GPR157: variants seen among roughly 807,000 people sequenced by gnomAD.
GPR157 encodes G-protein coupled receptor 157.
Under a neutral mutation model 23.5 loss-of-function variants are expected in GPR157, and 16 were observed. The ratio of observed to expected loss-of-function variants is 0.68; its 90% CI spans 0.46 to 1.04. GPR157 has a LOEUF of 1.04. Among genes scored for constraint, GPR157 ranks in the 50% least tolerant of loss-of-function variants. The pLI is 0.00. For synonymous variants in GPR157, 200 were observed against 221.5 expected, an observed-to-expected ratio of 0.90 and a Z score of 0.86; for missense variants, 440 against 460.7, an observed-to-expected ratio of 0.96 and a Z score of 0.41.
rs1399804240 is a variant in GPR157 at position 9,101,210 on chromosome 1, A to G, written c.*3209T>C. 1 of 123,126 alleles carries G rather than the reference A, an allele frequency of 8.1e-6. No individual in the cohort carries two copies. The highest frequency in any genetic ancestry group is 1.6e-5 in the Non-Finnish European group (1 of 60,912). The allele number at this position is 123,126 out of a possible 1,614,324, so 7.6% of individuals were successfully genotyped here. On this transcript the variant is annotated 3_prime_UTR_variant, in exon 4 of 4. Transcript: ENST00000377411. ...CTACAGGCACACGAAACCACATCCAACTATTTTTTTTTTTTTTGTATATTT... is the reference window on the plus strand; with the variant it reads ...CTACAGGCACACGAAACCACATCCAGCTATTTTTTTTTTTTTTGTATATTT...
In GPR157 at chr1:9,116,247, TTA is replaced by T. The variant is rs869145702; in HGVS notation, c.384-4760_384-4759del. On this transcript the variant is annotated intron_variant, in intron 1 of 3. Coordinates refer to ENST00000377411, the MANE Select transcript of GPR157 (RefSeq NM_024980.5). ...ACATATAATATAATTATATATATAA[TTA>T]TATATATATTATATATAATATAATT... Among the ~76,000 whole-genome samples, 5 of 2,710 alleles carry T rather than the reference TTA, an allele frequency of 1.8e-3. 1 individual carries two copies. The highest frequency in any genetic ancestry group is 6.1e-3 in the African/African-American group (2 of 326). 1.8% of individuals were successfully genotyped at this position (2,710 alleles called of 152,430 possible).
intron 2 of GPR157, 78 bp downstream of exon 2, chr1:9,111,198 G>T (rs1171775782): frequency 7.1e-7 from 1 of 1,404,490 alleles, no homozygotes; most frequent in South Asian, 1.2e-5. Flanking sequence ...CCCCTCGGGG[G>T]GCCAAACTCA....
At chr1:9,123,174 A>AAAAATAT (rs1553175764) in intron 1 of GPR157, among the ~76,000 whole-genome samples, 1 of 117,090 alleles carries the variant, frequency 8.5e-6, no homozygotes, top group Admixed American at 1.1e-4. Context: ...AAAAAAAAAA[A>AAAAATAT]ATATATATAT....
intron 1 of GPR157, among the ~76,000 whole-genome samples, chr1:9,122,148 G>C (rs747501801): frequency 6.6e-6 from 1 of 152,168 alleles, no homozygotes; most frequent in Non-Finnish European, 1.5e-5. Context: ...TTATGTGGGA[G>C]GTGGGGAAAT....
chr1:9,114,959 G>A (rs906687711), intron 1 of GPR157, among the ~76,000 whole-genome samples: 1 of 151,404 alleles, frequency 6.6e-6, no homozygotes, highest in African/African-American at 2.4e-5. Context: ...AAGAATATGG[G>A]CCTGATCAAC....
chr1:9,127,853 A>G (rs775514801), intron 1 of GPR157, among the ~76,000 whole-genome samples: 8 of 152,314 alleles, frequency 5.3e-5, no homozygotes, highest in African/African-American at 1.9e-4. Context: ...AGTTCAGCAC[A>G]GCACAGGACG....
At chr1:9,119,420 C>T (rs930173407) in intron 1 of GPR157, among the ~76,000 whole-genome samples, 4 of 152,128 alleles carry the variant, frequency 2.6e-5, no homozygotes, top group Admixed American at 6.6e-5. Context: ...CAAGTGAAGA[C>T]GCAGGGAGAA....
rs1642585647 is a variant in GPR157, at chr1:9,103,102, T to C, written c.*1317A>G. The C allele has an allele frequency of 4.2e-5, 3 of 71,904 alleles. No individual in the cohort carries two copies. The Admixed American group carries it at 4.5e-4, about 11-fold the overall frequency. 4.5% of individuals were successfully genotyped at this position (71,904 alleles called of 1,614,324 possible). Reference sequence around the variant, plus strand: ...CCGGGCGACAGAATGAGGCTCCTTTTTTAAAAAAAAAAAAAAAAAAAAACT... The same window carrying C: ...CCGGGCGACAGAATGAGGCTCCTTTCTTAAAAAAAAAAAAAAAAAAAAACT... On this transcript the variant is annotated 3_prime_UTR_variant, in exon 4 of 4. Transcript: ENST00000377411.
chr1:9,122,609 CAT>C (rs1638823733), intron 1 of GPR157, among the ~76,000 whole-genome samples: 1 of 152,096 alleles, frequency 6.6e-6, no homozygotes, highest in African/African-American at 2.4e-5. Context: ...ATGAGAAAAA[CAT>C]GTTTCTGGGA....
Position 9,129,070 on chromosome 1 carries a change from C to G in GPR157, c.-43G>C. On this transcript the variant is annotated 5_prime_UTR_variant, in exon 1 of 4. Transcript: ENST00000377411. ...GCCGGAGCGCCGCGAGGACAGAAGC[C>G]GGGCCGCGCGTGCGGCCACGCCGCC... 8.2e-7 allele frequency: 1 copy of G among 1,212,778 alleles called. No individual in the cohort carries two copies. The highest frequency in any genetic ancestry group is 1.0e-6 in the Non-Finnish European group (1 of 976,632). The allele number at this position is 1,212,778 out of a possible 1,614,324, so 75.1% of individuals were successfully genotyped here.
intron 2 of GPR157, among the ~76,000 whole-genome samples, chr1:9,108,606 G>A (rs1030523764): frequency 3.9e-5 from 6 of 152,194 alleles, no homozygotes; most frequent in African/African-American, 1.4e-4. Flanking sequence ...CTGGGCAGGA[G>A]ACCAACTACT....
chr1:9,112,982 C>T (rs1299667786), intron 1 of GPR157, among the ~76,000 whole-genome samples: 2 of 152,198 alleles, frequency 1.3e-5, no homozygotes, highest in African/African-American at 4.8e-5. Context: ...TCTGCCCCTG[C>T]TTGGGCAAGT....
intron 1 of GPR157, among the ~76,000 whole-genome samples, chr1:9,112,352 G>A (rs1488150121): frequency 6.6e-6 from 1 of 152,214 alleles, no homozygotes; most frequent in Non-Finnish European, 1.5e-5. Flanking sequence ...TTGGCCTTGA[G>A]GACTTCTTAC....
Position 9,128,684 on chromosome 1 carries a change from G to C in GPR157, c.344C>G (p.Pro115Arg). 1.9e-6 allele frequency: 3 copies of C among 1,613,246 alleles called. No homozygotes were observed. Among genetic ancestry groups the C allele is most frequent in the Non-Finnish European group, 2.5e-6 (3 of 1,179,924 alleles). The change falls in exon 1 of 4, where the codon CCT becomes CGT. Residue 115 changes from proline to arginine, a missense_variant. Coordinates refer to ENST00000377411, the MANE Select transcript of GPR157 (RefSeq NM_024980.5). The surrounding 1 kb of genome is among the most constrained non-coding windows in gnomAD (Gnocchi z 6.3). ...YLSIVRAARG[P>R]RTDRLLWAFH... ...GGCCCAAAGCAGGCGATCTGTGCGA[G>C]GCCCGCGCGCGGCGCGGACGATGCT...
rs34535590 is a variant in GPR157, at chr1:9,101,213, A to AT, written c.*3205dup. ...CAGGCACACGAAACCACATCCAACT[A>AT]TTTTTTTTTTTTTTGTATATTTAGT... On this transcript the variant is annotated 3_prime_UTR_variant, in exon 4 of 4. Coordinates refer to ENST00000377411, the MANE Select transcript of GPR157 (RefSeq NM_024980.5). The AT allele has an allele frequency of 0.026, 3,700 of 143,572 alleles. 108 individuals carry two copies. Among genetic ancestry groups the AT allele is most frequent in the African/African-American group, 0.078 (3,050 of 39,332 alleles). The allele number at this position is 143,572 out of a possible 1,614,324, so 8.9% of individuals were successfully genotyped here.
At chr1:9,114,928 A>G (rs1220237596) in intron 1 of GPR157, among the ~76,000 whole-genome samples, 1 of 151,466 alleles carries the variant, frequency 6.6e-6, no homozygotes, top group Non-Finnish European at 1.5e-5. Flanking sequence ...CTCAAAAAAA[A>G]AAAAAAAAAA....
At chr1:9,106,609 C>T (rs1005948447) in intron 2 of GPR157, among the ~76,000 whole-genome samples, 4 of 152,244 alleles carry the variant, frequency 2.6e-5, no homozygotes, top group Admixed American at 6.5e-5. Flanking sequence ...GGGCTCCCCC[C>T]GGCCCTCTTC....
At chr1:9,123,747 T>TAA (rs1302299615) in intron 1 of GPR157, among the ~76,000 whole-genome samples, 1 of 122,494 alleles carries the variant, frequency 8.2e-6, no homozygotes, top group African/African-American at 3.0e-5. Context: ...TATTTAATAT[T>TAA]ATATATTTAA....
rs1336369090 is a variant in GPR157 at position 9,104,308 on chromosome 1, G to C, written c.*111C>G. ...CAATGGAGCCGAGAGCATCAATAGC[G>C]GGGGCTTCTGGTGCAGCAGACATGC... is the stretch of plus-strand genomic sequence containing the variant. On this transcript the variant is annotated 3_prime_UTR_variant, in exon 4 of 4. Coordinates refer to ENST00000377411, the MANE Select transcript of GPR157 (RefSeq NM_024980.5). 5.3e-6 allele frequency: 4 copies of C among 756,024 alleles called. No individual in the cohort carries two copies. Among genetic ancestry groups the C allele is most frequent in the East Asian group, 2.6e-5 (1 of 38,520 alleles). The allele number at this position is 756,024 out of a possible 1,614,324, so 46.8% of individuals were successfully genotyped here. A position where few individuals can be genotyped will look rare whatever the true frequency, so the allele number is the denominator to read the frequency against.
Sources: gnomAD v4.1 joint callset for allele counts (sites outside exome capture counted in the v4.1 genomes callset) on GRCh38, gnomAD v4.1.1 for gene constraint, Gnocchi (gnomAD v3.1) non-coding constraint, MANE v1.5 for transcripts, NCBI Gene and HGNC (gene_info 2026-07-23, HGNC 2026-07-21) for gene names.